HLCS: variants seen among roughly 807,000 people sequenced by gnomAD.
HLCS encodes holocarboxylase synthetase, also known as biotin--protein ligase.
Under a neutral mutation model 75.0 loss-of-function variants are expected in HLCS, and 53 were observed. That is an observed-to-expected ratio of 0.71 (90% CI 0.57 to 0.89). The LOEUF (loss-of-function observed/expected upper bound fraction) is 0.89, where lower values mean the gene tolerates loss of function less well. Ranked by LOEUF, HLCS falls within the 40% of genes least tolerant of loss-of-function variation. HLCS has a pLI of 0.00. For synonymous variants in HLCS, 431 were observed against 428.6 expected (o/e 1.01, Z -0.07); for missense variants, 966 against 1,074.0 (o/e 0.90, Z 1.41).
chr21:36,932,152 T>C (rs1024302205), intron 4 of HLCS, among the ~76,000 whole-genome samples: 3 of 152,208 alleles, frequency 2.0e-5, no homozygotes, highest in Non-Finnish European at 4.4e-5. Context: ...ATCAGGTAAA[T>C]AATTATCTTT....
At chr21:36,833,774 A>T (rs2835477) in intron 6 of HLCS, among the ~76,000 whole-genome samples, 71,553 of 151,776 alleles carry the variant, frequency 0.47, 19,542 homozygotes, top group African/African-American at 0.76. Flanking sequence ...GCAAGTGGTA[A>T]AGGAGCCAAA....
In HLCS at chr21:36,765,069, G is replaced by A; in HGVS notation, c.2064C>T (p.Val688=). The stretch of plus-strand genomic sequence containing the variant: ...CGACAGCCACGGACATCAGATGCTG[G>A]ACAAACGGGATCCTCTGTCCCAGCT... The part of the protein sequence containing the change: ...RSQLGQRIPF[V]QHLMSVAVVE... The change falls in exon 8 of 11, where the codon GTC becomes GTT. Residue 688 remains valine, a synonymous_variant. Coordinates refer to ENST00000674895, the MANE Select transcript of HLCS (RefSeq NM_001352514.2). 1 of 1,614,194 alleles carries A rather than the reference G, an allele frequency of 6.2e-7. No individual in the cohort carries two copies. Among genetic ancestry groups the A allele is most frequent in the African/African-American group, 1.3e-5 (1 of 75,042 alleles).
At chr21:36,951,404 T>C (rs911164189) in intron 2 of HLCS, among the ~76,000 whole-genome samples, 1 of 152,174 alleles carries the variant, frequency 6.6e-6, no homozygotes, top group African/African-American at 2.4e-5. Context: ...CTTTCCTCCT[T>C]TCACCTATTT....
chr21:36,811,477 A>G lies in HLCS; in HGVS notation c.1893-44192T>C, dbSNP rs1408200011. Among the ~76,000 whole-genome samples, 3 of 152,204 alleles carry G rather than the reference A, an allele frequency of 2.0e-5. No homozygotes were observed. In the East Asian group the frequency reaches 5.8e-4, roughly 29 times the overall value. On this transcript the variant is annotated intron_variant, in intron 6 of 10. Transcript: ENST00000674895. ...GGCTACTCTGTGCCTCAAGAACCAAAGAACGAGGGGAGTTCGACCACTGCC... is the reference window on the plus strand; with the variant it reads ...GGCTACTCTGTGCCTCAAGAACCAAGGAACGAGGGGAGTTCGACCACTGCC...
At chr21:36,896,381 T>C (rs933585850) in intron 6 of HLCS, among the ~76,000 whole-genome samples, 1 of 152,206 alleles carries the variant, frequency 6.6e-6, no homozygotes, top group African/African-American at 2.4e-5. Context: ...ATGTATTGGA[T>C]AGCAATGTAC....
At chr21:36,836,790 A>AT (rs947183804) in intron 6 of HLCS, among the ~76,000 whole-genome samples, 5 of 152,128 alleles carry the variant, frequency 3.3e-5, no homozygotes, top group South Asian at 2.1e-4. Flanking sequence ...TCATCAGGGA[A>AT]TTTTTTTTAA....
chr21:36,889,109 C>T (rs748240993), intron 6 of HLCS, among the ~76,000 whole-genome samples: 38 of 152,206 alleles, frequency 2.5e-4, no homozygotes, highest in Non-Finnish European at 5.0e-4. Flanking sequence ...GCCTGGCATA[C>T]AGGAGTTGCT....
intron 1 of HLCS, among the ~76,000 whole-genome samples, chr21:36,984,551 C>T (rs77864752): frequency 6.6e-6 from 1 of 152,062 alleles, no homozygotes; most frequent in South Asian, 2.1e-4. Flanking sequence ...TGTTCCGAAC[C>T]GCACACAATT....
chr21:36,818,470 G>A (rs1375448242), intron 6 of HLCS, among the ~76,000 whole-genome samples: 5 of 152,170 alleles, frequency 3.3e-5, no homozygotes, highest in Non-Finnish European at 4.4e-5. Context: ...GGGGAGAGAG[G>A]GGCCAGTGTG....
chr21:36,918,959 T>C (rs1273817497), intron 5 of HLCS, among the ~76,000 whole-genome samples: 1 of 152,268 alleles, frequency 6.6e-6, no homozygotes, highest in Non-Finnish European at 1.5e-5. Context: ...AATTGGAAAC[T>C]GGAAGGCTGA....
intron 6 of HLCS, among the ~76,000 whole-genome samples, chr21:36,770,185 G>A (rs930832583): frequency 1.8e-4 from 23 of 128,960 alleles, no homozygotes; most frequent in African/African-American, 6.5e-4. Context: ...TCACTCTGTC[G>A]CCCAGGCTAG....
intron 1 of HLCS, among the ~76,000 whole-genome samples, chr21:36,979,561 A>T (rs1259290481): frequency 6.6e-6 from 1 of 152,162 alleles, no homozygotes. Flanking sequence ...TGTGATTTTT[A>T]AAATGGTTTT....
chr21:36,765,785 T>A (rs2145770903), intron 7 of HLCS, among the ~76,000 whole-genome samples: 1 of 152,200 alleles, frequency 6.6e-6, no homozygotes, highest in Non-Finnish European at 1.5e-5. Flanking sequence ...GTAACTGGGA[T>A]TAAGGTGCCC....
chr21:36,860,061 C>T (rs1268722573), intron 6 of HLCS, among the ~76,000 whole-genome samples: 2 of 152,186 alleles, frequency 1.3e-5, no homozygotes, highest in East Asian at 1.9e-4. Flanking sequence ...TGAGAATGCT[C>T]GGGTTCCCTG....
chr21:36,929,507 T>C (rs2066542894), intron 5 of HLCS, among the ~76,000 whole-genome samples: 1 of 152,212 alleles, frequency 6.6e-6, no homozygotes, highest in Non-Finnish European at 1.5e-5. Flanking sequence ...AGAGGTATAA[T>C]TTGTTTGTTT....
At chr21:36,861,856 C>A (rs2063392352) in intron 6 of HLCS, among the ~76,000 whole-genome samples, 1 of 152,094 alleles carries the variant, frequency 6.6e-6, no homozygotes, top group Non-Finnish European at 1.5e-5. Context: ...GTTGTATAAC[C>A]ATTTCCACTA....
At chr21:36,930,505 T>C in intron 4 of HLCS, 72 bp from the exon 5 acceptor site, 1 of 1,287,006 alleles carries the variant, frequency 7.8e-7, no homozygotes, top group African/African-American at 1.5e-5. Context: ...TTCTTTTTTC[T>C]TTTTCTTTTT....
chr21:36,908,311 C>T (rs1293231087), intron 5 of HLCS, among the ~76,000 whole-genome samples: 2 of 151,894 alleles, frequency 1.3e-5, no homozygotes, highest in Non-Finnish European at 2.9e-5. Flanking sequence ...ATCACTTGAG[C>T]CCAGGAATTC....
intron 6 of HLCS, among the ~76,000 whole-genome samples, chr21:36,799,991 C>T (rs1308082807): frequency 2.6e-5 from 4 of 152,178 alleles, no homozygotes; most frequent in Non-Finnish European, 2.9e-5. Flanking sequence ...AAAATCCAGC[C>T]GTCCCTCTTT....
Sources: gnomAD v4.1 joint callset for allele counts (sites outside exome capture counted in the v4.1 genomes callset) on GRCh38, gnomAD v4.1.1 for gene constraint, MANE v1.5 for transcripts, NCBI Gene and HGNC (gene_info 2026-07-23, HGNC 2026-07-21) for gene names.